DLG2: variants seen among roughly 807,000 people sequenced by gnomAD.
DLG2 encodes the protein discs large MAGUK scaffold protein 2.
DLG2 carries 45 observed loss-of-function variants against 132.5 expected under a neutral mutation model. The observed-to-expected ratio is 0.34, with a 90% CI of 0.27 to 0.44. The LOEUF (loss-of-function observed/expected upper bound fraction) is 0.44, where lower values mean the gene tolerates loss of function less well. Ranked by LOEUF, DLG2 falls within the 20% of genes least tolerant of loss-of-function variation. DLG2 has a pLI of 1.00. For synonymous variants in DLG2, 424 were observed against 419.6 expected (o/e 1.01, Z -0.13); for missense variants, 1,045 against 1,196.9 (o/e 0.87, Z 1.87).
chr11:85,142,112 A>G (rs2076530585), intron 5 of DLG2, among the ~76,000 whole-genome samples: 1 of 151,822 alleles, frequency 6.6e-6, no homozygotes. Flanking sequence ...TGGTATTTTG[A>G]TAGGGATTTC....
intron 7 of DLG2, among the ~76,000 whole-genome samples, chr11:84,390,105 T>G (rs1348032315): frequency 6.6e-6 from 1 of 152,180 alleles, no homozygotes; most frequent in African/African-American, 2.4e-5. Flanking sequence ...AAAGGAATGC[T>G]TCCCTAAATG....
intron 6 of DLG2, among the ~76,000 whole-genome samples, chr11:84,638,000 C>T (rs1265119398): frequency 6.6e-6 from 1 of 152,218 alleles, no homozygotes. Flanking sequence ...TGTCTGGTTT[C>T]TCTACCTTAT....
At chr11:83,999,152 C>T (rs2094201819) in intron 11 of DLG2, among the ~76,000 whole-genome samples, 1 of 152,166 alleles carries the variant, frequency 6.6e-6, no homozygotes, top group Non-Finnish European at 1.5e-5. Flanking sequence ...CCTACCATAG[C>T]TGATGCTGGC....
intron 9 of DLG2, among the ~76,000 whole-genome samples, chr11:84,120,607 C>G (rs754947552): frequency 3.3e-5 from 5 of 152,180 alleles, no homozygotes; most frequent in Non-Finnish European, 5.9e-5. Context: ...ATGACAGACA[C>G]TGAGCCTGAA....
chr11:84,782,022 G>A (rs2071889142), intron 6 of DLG2, among the ~76,000 whole-genome samples: 1 of 152,166 alleles, frequency 6.6e-6, no homozygotes, highest in African/African-American at 2.4e-5. Context: ...AAGATGCTTG[G>A]AATACCATTA....
chr11:84,526,166 AT>A (rs1428835494), intron 7 of DLG2, among the ~76,000 whole-genome samples: 3 of 152,196 alleles, frequency 2.0e-5, no homozygotes, highest in Non-Finnish European at 2.9e-5. Context: ...TACTAATCAT[AT>A]TTCCATCTTA....
intron 7 of DLG2, among the ~76,000 whole-genome samples, chr11:84,319,936 A>G (rs1389099044): frequency 6.6e-6 from 1 of 152,202 alleles, no homozygotes; most frequent in Non-Finnish European, 1.5e-5. Context: ...TTCTTTTCAA[A>G]CATGACATTT....
rs146312855 is a variant in DLG2, at chr11:84,752,256, T to TA, written c.358-217526dup. ...TGTTTATTGAAGACCTACTATTTCC[T>TA]AGGCATGGTTCTAGGTGCTGGGAAT... On this transcript the variant is annotated intron_variant, in intron 6 of 27. Transcript: ENST00000376104. 9.2e-3 allele frequency among the ~76,000 whole-genome samples: 1,398 copies of TA among 152,288 alleles called. 59 individuals are homozygous for TA. In the East Asian group the frequency reaches 0.12, roughly 13 times the overall value.
chr11:84,107,184 C>CA (rs1000484014), intron 9 of DLG2, among the ~76,000 whole-genome samples: 1 of 151,600 alleles, frequency 6.6e-6, no homozygotes, highest in African/African-American at 2.4e-5. Context: ...AGAGAGCACA[C>CA]AAAAAAACAT....
At chr11:84,314,789 ATATAT>A (rs1460265504) in intron 7 of DLG2, among the ~76,000 whole-genome samples, 1 of 151,888 alleles carries the variant, frequency 6.6e-6, no homozygotes, top group Non-Finnish European at 1.5e-5. Context: ...ATTTGAATAC[ATATAT>A]TAAAGTCTGT....
chr11:83,778,153 T>C (rs567971408), intron 18 of DLG2, among the ~76,000 whole-genome samples: 2 of 151,824 alleles, frequency 1.3e-5, no homozygotes, highest in East Asian at 3.9e-4. Context: ...TGCTTTATAG[T>C]CCTCTTTGCA....
At chr11:84,640,974 A>C (rs1468452892) in intron 6 of DLG2, among the ~76,000 whole-genome samples, 3 of 151,754 alleles carry the variant, frequency 2.0e-5, no homozygotes, top group Non-Finnish European at 4.4e-5. Flanking sequence ...ACAAAAAAAA[A>C]ACAACTATTG....
intron 3 of DLG2, among the ~76,000 whole-genome samples, chr11:85,306,794 A>C (rs551747405): frequency 1.4e-4 from 22 of 152,010 alleles, no homozygotes; most frequent in Middle Eastern, 3.2e-3. Context: ...GGATGGTCTC[A>C]ATCTCCTGAC....
intron 7 of DLG2, among the ~76,000 whole-genome samples, chr11:84,283,058 A>G (rs1000798405): frequency 2.6e-5 from 4 of 152,202 alleles, no homozygotes; most frequent in African/African-American, 7.2e-5. Flanking sequence ...GATAGAGTAA[A>G]CTCTCTGGAG....
At chr11:84,136,227 T>A (rs2094596269) in intron 9 of DLG2, among the ~76,000 whole-genome samples, 1 of 152,136 alleles carries the variant, frequency 6.6e-6, no homozygotes, top group Non-Finnish European at 1.5e-5. Context: ...TTAAATAACA[T>A]CTACCACATA....
chr11:83,872,643 T>C lies in DLG2; in HGVS notation c.1565+1777A>G, dbSNP rs2063704520. ...TTCCTCTAACTCAAGTGGAAAACAG[T>C]GGAAATTGAAAAATATTCTTAGGGC... On this transcript the variant is annotated intron_variant, in intron 16 of 27. Coordinates refer to ENST00000376104, the MANE Select transcript of DLG2 (RefSeq NM_001142699.3). Among the ~76,000 whole-genome samples, 3 of 152,174 alleles carry C rather than the reference T, an allele frequency of 2.0e-5. No homozygotes were observed. The South Asian group carries it at 6.2e-4, about 32-fold the overall frequency.
In DLG2 at chr11:85,094,320, G is replaced by A. The variant is rs578120604; in HGVS notation, c.357+17341C>T. Among the ~76,000 whole-genome samples the A allele has an allele frequency of 1.5e-4, 23 of 152,348 alleles. 1 individual carries two copies. The highest frequency in any genetic ancestry group is 5.3e-4 in the African/African-American group (22 of 41,586). On this transcript the variant is annotated intron_variant, in intron 6 of 27. Coordinates refer to ENST00000376104, the MANE Select transcript of DLG2 (RefSeq NM_001142699.3). ...AATTAGGCAGTGGCTTCCACTTAAA[G>A]TGACCAGGTCCATAAGTTCCTAACA...
intron 8 of DLG2, among the ~76,000 whole-genome samples, chr11:84,236,413 T>C (rs1459272160): frequency 6.6e-6 from 1 of 152,230 alleles, no homozygotes; most frequent in Non-Finnish European, 1.5e-5. Flanking sequence ...TACAATAACC[T>C]ACCTCAAGGT....
At chr11:85,039,005 T>A (rs2061631837) in intron 6 of DLG2, among the ~76,000 whole-genome samples, 1 of 152,048 alleles carries the variant, frequency 6.6e-6, no homozygotes, top group Non-Finnish European at 1.5e-5. Context: ...AGAATAGGTA[T>A]ATATTTACAT....
Sources: gnomAD v4.1 joint callset for allele counts (sites outside exome capture counted in the v4.1 genomes callset) on GRCh38, gnomAD v4.1.1 for gene constraint, MANE v1.5 for transcripts, NCBI Gene and HGNC (gene_info 2026-07-23, HGNC 2026-07-21) for gene names.